GFM1: variants seen among roughly 807,000 people sequenced by gnomAD.
The protein encoded by GFM1 is elongation factor G, mitochondrial.
In GFM1, 62 loss-of-function variants were observed where a neutral mutation model predicts 96.2. The observed-to-expected ratio is 0.64, with a 90% CI of 0.53 to 0.80. The LOEUF (loss-of-function observed/expected upper bound fraction) is 0.80. Among genes scored for constraint, GFM1 ranks in the 30% least tolerant of loss-of-function variants. GFM1 has a pLI of 0.00. For synonymous variants in GFM1, 282 were observed against 312.9 expected (o/e 0.90, Z 1.04); for missense variants, 852 against 916.6 (o/e 0.93, Z 0.91).
At chr3:158,659,091 T>A (rs1386216869) in intron 9 of GFM1, 32 bp downstream of exon 9, 1 of 1,613,276 alleles carries the variant, frequency 6.2e-7, no homozygotes, top group African/African-American at 1.3e-5. Context: ...GATTAGAAAT[T>A]CCTCTGATGT....
At chr3:158,676,761 G>A (rs1240670334) in intron 13 of GFM1, among the ~76,000 whole-genome samples, 1 of 149,920 alleles carries the variant, frequency 6.7e-6, no homozygotes, top group African/African-American at 2.5e-5. Flanking sequence ...GTGCAGTGGT[G>A]CAATCTCAGC....
Position 158,649,269 on chromosome 3 carries a change from A to G in GFM1, c.689+112A>G, listed in dbSNP as rs966876628. On this transcript the variant is annotated intron_variant, in intron 5 of 17. Coordinates refer to ENST00000486715, the MANE Select transcript of GFM1 (RefSeq NM_024996.7). ...ACTATCTTTTTGAAATGCGACTGCA[A>G]GAATACTCTGAGATGGTTTTGTTTT... 3.7e-5 allele frequency: 24 copies of G among 642,104 alleles called. No homozygotes were observed. The Admixed American group carries it at 4.8e-4, about 13-fold the overall frequency. 39.8% of individuals were successfully genotyped at this position (642,104 alleles called of 1,614,324 possible). A position where few individuals can be genotyped will look rare whatever the true frequency, so the allele number is the denominator to read the frequency against.
In GFM1 at chr3:158,684,608, C is replaced by T. The variant is rs1338703455; in HGVS notation, c.1849C>T (p.His617Tyr). 2 of 1,614,088 alleles carry T rather than the reference C, an allele frequency of 1.2e-6. No individual in the cohort carries two copies. Among genetic ancestry groups the T allele is most frequent in the African/African-American group, 1.3e-5 (1 of 75,026 alleles). The change falls in exon 15 of 18, where the codon CAC becomes TAC. Residue 617 changes from histidine to tyrosine, a missense_variant. Physicochemically the swap from His to Tyr is moderately conservative, Grantham distance 83 (BLOSUM62 2). Coordinates refer to ENST00000486715, the MANE Select transcript of GFM1 (RefSeq NM_024996.7). ...LRFVLQDGAH[H>Y]MVDSNEISFI... The stretch of plus-strand genomic sequence containing the variant: ...GTTTGTCCTGCAAGATGGAGCACAC[C>T]ACATGGTTGATTCTAATGAAATCTC...
chr3:158,644,947 AG>A, intron 1 of GFM1: 1 of 481,234 alleles, frequency 2.1e-6, no homozygotes, highest in South Asian at 3.2e-5. Context: ...TCTGTCACTC[AG>A]ATACTTTGAT....
intron 13 of GFM1, among the ~76,000 whole-genome samples, chr3:158,668,585 G>A (rs536249398): frequency 6.6e-6 from 1 of 152,318 alleles, no homozygotes; most frequent in East Asian, 1.9e-4. Flanking sequence ...TAAGAGCTAT[G>A]ATTACCGTGA....
In GFM1 at chr3:158,653,325, G is replaced by GCTA; in HGVS notation, c.859_861dup (p.Thr287dup). 6.2e-7 allele frequency: 1 copy of GCTA among 1,613,136 alleles called. No homozygotes were observed. The highest frequency in any genetic ancestry group is 8.5e-7 in the Non-Finnish European group (1 of 1,179,436). ...TCTTTTGTAGCTAGCAATTCGAAGA[G>GCTA]CTACTCTGAAAAGATCATTTACTCC... is the stretch of plus-strand genomic sequence containing the variant. On this transcript the variant is annotated inframe_insertion, in exon 7 of 18. Coordinates refer to ENST00000486715, the MANE Select transcript of GFM1 (RefSeq NM_024996.7).
chr3:158,656,029 A>C (rs1722724413), intron 8 of GFM1: 1 of 422,144 alleles, frequency 2.4e-6, no homozygotes, highest in Non-Finnish European at 4.7e-6. Flanking sequence ...TGCTTTTCAC[A>C]TGATTAGATT....
intron 13 of GFM1, chr3:158,672,277 G>GCTGA (rs1724401322): frequency 6.3e-7 from 1 of 1,581,986 alleles, no homozygotes; most frequent in Non-Finnish European, 8.6e-7. Context: ...GCACCCAAAG[G>GCTGA]CTGAGACCGC....
intron 13 of GFM1, among the ~76,000 whole-genome samples, chr3:158,675,933 T>C (rs6441219): frequency 2.0e-5 from 3 of 152,110 alleles, no homozygotes; most frequent in Non-Finnish European, 4.4e-5. Context: ...ATATGTGTTG[T>C]TTTGCCACCT....
chr3:158,653,207 A>C, intron 6 of GFM1, 103 bp from the exon 7 acceptor site: 10 of 938,864 alleles, frequency 1.1e-5, no homozygotes, highest in Non-Finnish European at 1.6e-5. Context: ...TCAGCACTCC[A>C]AAGAGTAGAG....
intron 13 of GFM1, among the ~76,000 whole-genome samples, chr3:158,673,335 C>G (rs9832803): frequency 0.42 from 63,094 of 151,740 alleles, 14,265 homozygotes; most frequent in African/African-American, 0.6. Context: ...ACAAAGCACT[C>G]TCTCTGGTAT....
intron 15 of GFM1, among the ~76,000 whole-genome samples, chr3:158,687,642 A>G (rs1395765280): frequency 6.6e-6 from 1 of 151,916 alleles, no homozygotes; most frequent in East Asian, 1.9e-4. Flanking sequence ...TAATTTTTGT[A>G]TTTTTAGTAG....
chr3:158,675,303 A>C (rs1432727537), intron 13 of GFM1, among the ~76,000 whole-genome samples: 1 of 145,812 alleles, frequency 6.9e-6, no homozygotes, highest in Non-Finnish European at 1.5e-5. Flanking sequence ...AAAAAAAAAA[A>C]AAAAAAACAA....
At chr3:158,654,439 AT>A in intron 7 of GFM1, 107 bp from the exon 8 acceptor site, 1 of 705,404 alleles carries the variant, frequency 1.4e-6, no homozygotes, top group Non-Finnish European at 2.5e-6. Context: ...CAGCAGTAAT[AT>A]CCCACACACG....
At chr3:158,665,257 C>A in intron 11 of GFM1, 80 bp from the exon 12 acceptor site, 1 of 1,015,982 alleles carries the variant, frequency 9.8e-7, no homozygotes, top group Non-Finnish European at 1.5e-6. Context: ...TATTTTATTT[C>A]ATTCAGTAAA....
Position 158,650,256 on chromosome 3 carries a change from T to A in GFM1, c.689+1099T>A, listed in dbSNP as rs1028395280. ...CCCAGTAAGGCAGAGTTTTTGTTTT[T>A]CTTTTTTCCTACTTTATTCACTGCT... On this transcript the variant is annotated intron_variant, in intron 5 of 17. Coordinates refer to ENST00000486715, the MANE Select transcript of GFM1 (RefSeq NM_024996.7). 6 of 593,232 alleles carry A rather than the reference T, an allele frequency of 1.0e-5. No homozygotes were observed. In the South Asian group the frequency reaches 1.2e-4, roughly 12 times the overall value. The allele number at this position is 593,232 out of a possible 1,614,324, so 36.7% of individuals were successfully genotyped here. A position where few individuals can be genotyped will look rare whatever the true frequency, so the allele number is the denominator to read the frequency against.
chr3:158,665,292 A>C, intron 11 of GFM1, 45 bp from the exon 12 acceptor site: 1 of 1,490,778 alleles, frequency 6.7e-7, no homozygotes, highest in Non-Finnish European at 9.4e-7. Flanking sequence ...CCCATTGCTT[A>C]TCATGCTCAG....
intron 15 of GFM1, 51 bp from the exon 16 acceptor site, chr3:158,690,112 G>A (rs759162424): frequency 1.4e-6 from 2 of 1,456,262 alleles, no homozygotes; most frequent in South Asian, 2.3e-5. Context: ...CTGGACAGAA[G>A]AGTTGTAGTT....
chr3:158,668,949 G>T, intron 13 of GFM1: 2 of 1,465,690 alleles, frequency 1.4e-6, no homozygotes, highest in South Asian at 2.5e-5. Flanking sequence ...CAATACTTTC[G>T]ATAAATATTA....
Sources: allele counts gnomAD v4.1 joint callset (sites outside exome capture counted in the v4.1 genomes callset), GRCh38; gene constraint gnomAD v4.1.1; transcripts MANE v1.5; gene names NCBI Gene and HGNC (gene_info 2026-07-23, HGNC 2026-07-21).